Variants in METTL15 observed in about 807,000 individuals in gnomAD.
METTL15 encodes methyltransferase 15, mitochondrial 12S rRNA N4-cytidine, also known as 12S rRNA N(4)-cytidine methyltransferase METTL15.
A neutral mutation model predicts 38.3 loss-of-function variants in METTL15; 34 were observed. That is an observed-to-expected ratio of 0.89 (90% CI 0.68 to 1.18). The LOEUF (loss-of-function observed/expected upper bound fraction) is 1.18, where lower values mean the gene tolerates loss of function less well. METTL15 is among the 50% of genes most tolerant of loss of function. The probability of loss-of-function intolerance (pLI) is 0.00; values close to 1 mark genes in which losing one functional copy is unlikely to be tolerated. For missense variants in METTL15, 438 were observed against 498.4 expected (o/e 0.88, Z 1.15); for synonymous variants, 162 against 170.9 (o/e 0.95, Z 0.41).
intron 6 of METTL15, among the ~76,000 whole-genome samples, chr11:28,479,941 C>A (rs1851381478): frequency 6.6e-6 from 1 of 152,120 alleles, no homozygotes; most frequent in South Asian, 2.1e-4. Context: ...TTTATCTTCA[C>A]CTTATCTATT....
chr11:28,492,931 G>A (rs573947758), intron 6 of METTL15, among the ~76,000 whole-genome samples: 1 of 152,206 alleles, frequency 6.6e-6, no homozygotes, highest in Admixed American at 6.5e-5. Context: ...TTGGTGTAGG[G>A]CAAAACCAGG....
At chr11:28,237,394 T>C (rs754020673) in intron 4 of METTL15, among the ~76,000 whole-genome samples, 2 of 152,206 alleles carry the variant, frequency 1.3e-5, no homozygotes, top group African/African-American at 2.4e-5. Flanking sequence ...TTGATCGCAT[T>C]GGCTCTTGAG....
intron 5 of METTL15, among the ~76,000 whole-genome samples, chr11:28,363,883 T>G (rs1850162977): frequency 6.6e-6 from 1 of 152,228 alleles, no homozygotes; most frequent in Non-Finnish European, 1.5e-5. Flanking sequence ...GAGTCCAGTT[T>G]TATTCTTCTG....
rs1480970245 is a variant in METTL15, at chr11:28,194,191, TC to T, written c.271-16869del. ...TTCTTTCTTTTTCTCTCTCTCTCTC[TC>T]CTCTCTCTCTCTCTCTCTCTTAATA... On this transcript the variant is annotated intron_variant, in intron 3 of 6. Coordinates refer to ENST00000407364, the MANE Select transcript of METTL15 (RefSeq NM_001113528.2). Among the ~76,000 whole-genome samples the T allele has an allele frequency of 7.9e-4, 8 of 10,112 alleles. No homozygotes were observed. In the South Asian group the frequency reaches 0.037, roughly 47 times the overall value. The allele number at this position is 10,112 out of a possible 152,430, so 6.6% of individuals were successfully genotyped here.
At chr11:28,207,570 CT>C (rs904837553) in intron 3 of METTL15, among the ~76,000 whole-genome samples, 14 of 152,082 alleles carry the variant, frequency 9.2e-5, no homozygotes, top group African/African-American at 3.4e-4. Flanking sequence ...CTAAAATTCT[CT>C]TTTTTTGTTG....
intron 4 of METTL15, among the ~76,000 whole-genome samples, chr11:28,353,220 A>G (rs1850057433): frequency 6.6e-6 from 1 of 152,226 alleles, no homozygotes; most frequent in African/African-American, 2.4e-5. Flanking sequence ...TGGGCTTGGC[A>G]GATAGCAAAA....
At chr11:28,369,405 C>T (rs965891683) in intron 5 of METTL15, among the ~76,000 whole-genome samples, 1 of 151,740 alleles carries the variant, frequency 6.6e-6, no homozygotes, top group African/African-American at 2.4e-5. Context: ...TGTAAACTTC[C>T]CAAATATTCA....
chr11:28,141,907 A>G (rs965119798), intron 3 of METTL15, among the ~76,000 whole-genome samples: 1 of 152,140 alleles, frequency 6.6e-6, no homozygotes, highest in Admixed American at 6.5e-5. Flanking sequence ...TTAAGCAGGG[A>G]CTATTATCAT....
chr11:28,111,959 C>T (rs1851736630), intron 2 of METTL15, among the ~76,000 whole-genome samples: 1 of 143,970 alleles, frequency 6.9e-6, no homozygotes, highest in African/African-American at 2.5e-5. Flanking sequence ...ATCACTCATT[C>T]CCCCCCCCAC....
At chr11:28,456,230 A>G (rs184230722) in intron 6 of METTL15, among the ~76,000 whole-genome samples, 1 of 151,758 alleles carries the variant, frequency 6.6e-6, no homozygotes. Context: ...GGCTAGTCTC[A>G]AACTCATGGT....
At chr11:28,204,984 G>A (rs939512206) in intron 3 of METTL15, among the ~76,000 whole-genome samples, 3 of 152,038 alleles carry the variant, frequency 2.0e-5, no homozygotes, top group East Asian at 1.9e-4. Flanking sequence ...CATTTAAAAT[G>A]TATGTATAGA....
chr11:28,243,933 G>T (rs954784350), intron 4 of METTL15, among the ~76,000 whole-genome samples: 1 of 152,158 alleles, frequency 6.6e-6, no homozygotes, highest in African/African-American at 2.4e-5. Flanking sequence ...AGAAATTTGG[G>T]CAGGACACAA....
At chr11:28,464,590 C>G (rs758852362) in intron 6 of METTL15, among the ~76,000 whole-genome samples, 1 of 152,228 alleles carries the variant, frequency 6.6e-6, no homozygotes, top group Non-Finnish European at 1.5e-5. Context: ...CTTTTGAAAA[C>G]TGTGAAACAG....
At chr11:28,201,156 A>G (rs1481528130) in intron 3 of METTL15, among the ~76,000 whole-genome samples, 1 of 152,110 alleles carries the variant, frequency 6.6e-6, no homozygotes, top group Non-Finnish European at 1.5e-5. Context: ...TTCTGAGTCT[A>G]TTGAGATAAT....
At chr11:28,271,821 T>C (rs1274152675) in intron 4 of METTL15, among the ~76,000 whole-genome samples, 1 of 152,054 alleles carries the variant, frequency 6.6e-6, no homozygotes, top group Non-Finnish European at 1.5e-5. Flanking sequence ...AATCTATCCA[T>C]CTGACAAAGG....
intron 6 of METTL15, among the ~76,000 whole-genome samples, chr11:28,462,722 A>G (rs1851226638): frequency 6.6e-6 from 1 of 152,074 alleles, no homozygotes; most frequent in Non-Finnish European, 1.5e-5. Context: ...GGATTCCTAT[A>G]GGCTTAGAGA....
intron 6 of METTL15, among the ~76,000 whole-genome samples, chr11:28,324,802 C>G (rs978518428): frequency 2.0e-5 from 3 of 152,090 alleles, no homozygotes; most frequent in African/African-American, 7.2e-5. Flanking sequence ...AATGCCATGC[C>G]GAGGTCTGAA....
At chr11:28,450,132 C>T (rs904672169) in intron 6 of METTL15, among the ~76,000 whole-genome samples, 1 of 152,092 alleles carries the variant, frequency 6.6e-6, no homozygotes, top group African/African-American at 2.4e-5. Flanking sequence ...ATCTGTCAAC[C>T]TACTCATCCA....
intron 6 of METTL15, among the ~76,000 whole-genome samples, chr11:28,479,485 C>G (rs1851377541): frequency 6.6e-6 from 1 of 152,070 alleles, no homozygotes; most frequent in African/African-American, 2.4e-5. Context: ...TATTTGGGCC[C>G]TGAGAAGATT....
Sources: gnomAD v4.1 joint callset for allele counts (sites outside exome capture counted in the v4.1 genomes callset) on GRCh38, gnomAD v4.1.1 for gene constraint, MANE v1.5 for transcripts, NCBI Gene and HGNC (gene_info 2026-07-23, HGNC 2026-07-21) for gene names.